NFATC2: variants seen among roughly 807,000 people sequenced by gnomAD.
The protein encoded by NFATC2 is nuclear factor of activated T cells 2, also known as nuclear factor of activated T-cells, cytoplasmic 2.
Under a neutral mutation model 87.3 loss-of-function variants are expected in NFATC2, and 22 were observed. The observed-to-expected ratio is 0.25, with a 90% CI of 0.18 to 0.36. The LOEUF (loss-of-function observed/expected upper bound fraction) is 0.36. Among genes scored for constraint, NFATC2 ranks in the 10% least tolerant of loss-of-function variants. NFATC2 has a pLI of 1.00. For synonymous variants in NFATC2, 565 were observed against 542.2 expected, an observed-to-expected ratio of 1.04 and a Z score of -0.58; for missense variants, 1,149 against 1,259.1, an observed-to-expected ratio of 0.91 and a Z score of 1.32.
intron 2 of NFATC2, among the ~76,000 whole-genome samples, chr20:51,517,591 T>TA (rs2076372849): frequency 6.9e-6 from 1 of 144,880 alleles, no homozygotes. Flanking sequence ...AGACCCTGTC[T>TA]CAAAAAAAAA....
intron 1 of NFATC2, among the ~76,000 whole-genome samples, chr20:51,529,487 T>A (rs1194845760): frequency 6.6e-6 from 1 of 152,154 alleles, no homozygotes; most frequent in Non-Finnish European, 1.5e-5. Context: ...TAGCACATCA[T>A]TAAAATATTT....
At chr20:51,424,832 T>C (rs1191272482) in intron 9 of NFATC2, among the ~76,000 whole-genome samples, 1 of 150,770 alleles carries the variant, frequency 6.6e-6, no homozygotes, top group Admixed American at 6.6e-5. Flanking sequence ...TGTATTTGCA[T>C]ATGCTCGGGA....
chr20:51,543,919 C>T (rs563960041), upstream of NFATC2, among the ~76,000 whole-genome samples: 4 of 149,668 alleles, frequency 2.7e-5, no homozygotes, highest in East Asian at 8.0e-4. Context: ...ACCTGGGACA[C>T]CTTTTTAAAC....
rs1301719539 is a variant in NFATC2, at chr20:51,480,070, T to C, written c.1333-4410A>G. 2.0e-5 allele frequency among the ~76,000 whole-genome samples: 3 copies of C among 152,122 alleles called. No individual in the cohort carries two copies. Among genetic ancestry groups the C allele is most frequent in the Non-Finnish European group, 4.4e-5 (3 of 68,028 alleles). Reference sequence around the variant, plus strand: ...TGGGAGGCTGAGGTGGGCAGATCACTTGACGTCAGGAGTTCAAGACCAGCC... The same window carrying C: ...TGGGAGGCTGAGGTGGGCAGATCACCTGACGTCAGGAGTTCAAGACCAGCC... On this transcript the variant is annotated intron_variant, in intron 3 of 10. Transcript: ENST00000371564. This position sits in a 1 kb window ranked among gnomAD's most constrained non-coding sequence, Gnocchi z 4.2.
At chr20:51,545,742 G>A (rs1350259116), upstream of NFATC2, among the ~76,000 whole-genome samples, 1 of 152,164 alleles carries the variant, frequency 6.6e-6, no homozygotes, top group Non-Finnish European at 1.5e-5. Flanking sequence ...AAGAATGGAT[G>A]GATGATGGAT....
At chr20:51,527,132 C>A (rs1005158597) in intron 1 of NFATC2, among the ~76,000 whole-genome samples, 18 of 151,888 alleles carry the variant, frequency 1.2e-4, no homozygotes, top group Non-Finnish European at 2.9e-5. Flanking sequence ...AACTCCTGAG[C>A]TCAAGTGATC....
At chr20:51,533,711 C>T (rs2076673670) in intron 1 of NFATC2, among the ~76,000 whole-genome samples, 1 of 152,248 alleles carries the variant, frequency 6.6e-6, no homozygotes, top group South Asian at 2.1e-4. Flanking sequence ...TGCCGCAAGG[C>T]CAGGCGCCCA....
intron 6 of NFATC2, among the ~76,000 whole-genome samples, chr20:51,439,253 G>A (rs572230891): frequency 1.5e-4 from 23 of 152,236 alleles, no homozygotes; most frequent in African/African-American, 5.3e-4. Flanking sequence ...TAAGCACCTC[G>A]TATACATGGG....
chr20:51,405,399 A>G (rs996519457), intron 9 of NFATC2, among the ~76,000 whole-genome samples: 2 of 149,752 alleles, frequency 1.3e-5, no homozygotes, highest in African/African-American at 2.5e-5. Flanking sequence ...GTTCCCAGGG[A>G]ACTGTGGGTG....
intron 5 of NFATC2, among the ~76,000 whole-genome samples, chr20:51,459,502 G>A (rs1306533067): frequency 6.6e-6 from 1 of 152,144 alleles, no homozygotes; most frequent in Non-Finnish European, 1.5e-5. Flanking sequence ...CACTCTGTCC[G>A]GGTCCAAGTT....
Position 51,523,812 on chromosome 20 carries a change from G to T in NFATC2, c.429C>A (p.Ala143=). The T allele has an allele frequency of 1.2e-6, 2 of 1,608,640 alleles. No homozygotes were observed. Among genetic ancestry groups the T allele is most frequent in the Non-Finnish European group, 8.5e-7 (1 of 1,177,596 alleles). The change falls in exon 2 of 11, where the codon GCC becomes GCA. Residue 143 remains alanine, a synonymous_variant. Coordinates refer to ENST00000371564, the MANE Select transcript of NFATC2 (RefSeq NM_012340.5). The surrounding 1 kb of genome is among the most constrained non-coding windows in gnomAD (Gnocchi z 6.9). ...AGLLVEQPPL[A]GVAASPRFTL... ...TGAACCTCGGGCTGGCGGCCACCCC[G>T]GCCAGGGGCGGCTGCTCCACCAGGA...
intron 1 of NFATC2, among the ~76,000 whole-genome samples, chr20:51,532,653 C>T (rs2076653548): frequency 6.6e-6 from 1 of 152,206 alleles, no homozygotes; most frequent in African/African-American, 2.4e-5. Flanking sequence ...GACACACAGC[C>T]AAGTCTGAGG....
chr20:51,517,914 A>AT (rs2076380162), intron 2 of NFATC2, among the ~76,000 whole-genome samples: 1 of 128,902 alleles, frequency 7.8e-6, no homozygotes, highest in Non-Finnish European at 1.6e-5. Flanking sequence ...GACTGTCTCA[A>AT]AAAAAAAAAA....
At chr20:51,499,178 C>T (rs186629806) in intron 3 of NFATC2, among the ~76,000 whole-genome samples, 6 of 152,220 alleles carry the variant, frequency 3.9e-5, no homozygotes, top group Admixed American at 3.9e-4. Flanking sequence ...GACCAAGGTA[C>T]ACTCTGAACA....
chr20:51,470,359 GA>G (rs913709769), intron 5 of NFATC2, among the ~76,000 whole-genome samples: 2 of 152,092 alleles, frequency 1.3e-5, no homozygotes, highest in Non-Finnish European at 2.9e-5. Flanking sequence ...CAGAAGACTG[GA>G]AACACAAGAG....
intron 5 of NFATC2, among the ~76,000 whole-genome samples, chr20:51,469,674 C>G (rs1988016149): frequency 6.6e-6 from 1 of 152,098 alleles, no homozygotes; most frequent in East Asian, 1.9e-4. Context: ...TCGTAAGCAA[C>G]AGAAAAAGAT....
intron 1 of NFATC2, among the ~76,000 whole-genome samples, chr20:51,528,383 TACACAA>T (rs1294670365): frequency 6.6e-6 from 1 of 150,824 alleles, no homozygotes; most frequent in Non-Finnish European, 1.5e-5. Flanking sequence ...TGAGAGGATG[TACACAA>T]ACACAGAGAG....
intron 1 of NFATC2, among the ~76,000 whole-genome samples, chr20:51,561,475 G>GAAAGA (rs2077028474): frequency 7.3e-6 from 1 of 137,164 alleles, no homozygotes; most frequent in African/African-American, 2.8e-5. Flanking sequence ...AAGAAAGAAA[G>GAAAGA]AAAGAAAGAA....
At chr20:51,454,736 T>C (rs1986216254) in intron 5 of NFATC2, 48 bp from the exon 6 acceptor site, 4 of 1,601,274 alleles carry the variant, frequency 2.5e-6, no homozygotes, top group Non-Finnish European at 3.4e-6. Flanking sequence ...GAGATGTCTG[T>C]TCAAAAGAGG....
Sources: allele counts gnomAD v4.1 joint callset (sites outside exome capture counted in the v4.1 genomes callset), GRCh38; gene constraint gnomAD v4.1.1; non-coding constraint Gnocchi (gnomAD v3.1); transcripts MANE v1.5; gene names NCBI Gene and HGNC (gene_info 2026-07-23, HGNC 2026-07-21).